Variants in CSMD1 observed in about 807,000 individuals in gnomAD.
The protein encoded by CSMD1 is CUB and sushi domain-containing protein 1.
In CSMD1, 213 loss-of-function variants were observed where a neutral mutation model predicts 417.5. The ratio of observed to expected loss-of-function variants is 0.51; its 90% confidence interval spans 0.46 to 0.57. The LOEUF is 0.57. Ranked by LOEUF, CSMD1 falls within the 20% of genes least tolerant of loss-of-function variation. The pLI is 0.00. For synonymous variants in CSMD1, 2,862 were observed against 1,736.8 expected (o/e 1.65, Z -16.11); for missense variants, 6,923 against 4,529.7 (o/e 1.53, Z -15.17).
At chr8:4,691,735 A>C (rs1806781487) in intron 1 of CSMD1, among the ~76,000 whole-genome samples, 1 of 152,184 alleles carries the variant, frequency 6.6e-6, no homozygotes, top group African/African-American at 2.4e-5. Context: ...GGTACACTAC[A>C]TTGGGAATCT....
intron 1 of CSMD1, among the ~76,000 whole-genome samples, chr8:4,680,884 G>A (rs1485722783): frequency 6.6e-6 from 1 of 151,436 alleles, no homozygotes; most frequent in African/African-American, 2.4e-5. Flanking sequence ...CCAACCCTAA[G>A]ATAGTTTTCA....
At chr8:3,307,214 G>C (rs1804939996) in intron 25 of CSMD1, among the ~76,000 whole-genome samples, 1 of 152,048 alleles carries the variant, frequency 6.6e-6, no homozygotes. Context: ...GCACAAGTTG[G>C]AAATTTGTTC....
At chr8:4,114,943 G>T (rs916828881) in intron 3 of CSMD1, among the ~76,000 whole-genome samples, 2 of 152,132 alleles carry the variant, frequency 1.3e-5, no homozygotes, top group Admixed American at 1.3e-4. Flanking sequence ...TCTACTCCTG[G>T]TAAAGATGCC....
At chr8:4,123,476 G>T (rs1044697383) in intron 3 of CSMD1, among the ~76,000 whole-genome samples, 4 of 152,166 alleles carry the variant, frequency 2.6e-5, no homozygotes, top group African/African-American at 9.7e-5. Flanking sequence ...GGGTAAATCA[G>T]TGCAGTTGAA....
chr8:4,751,395 G>C (rs761528451), intron 1 of CSMD1, among the ~76,000 whole-genome samples: 80 of 151,952 alleles, frequency 5.3e-4, no homozygotes, highest in African/African-American at 1.8e-3. Context: ...TGTCTCAGGG[G>C]GGGTGGCGGG....
intron 1 of CSMD1, among the ~76,000 whole-genome samples, chr8:4,679,502 G>A (rs923015400): frequency 2.0e-5 from 3 of 152,124 alleles, no homozygotes; most frequent in African/African-American, 4.8e-5. Flanking sequence ...AATTTCATGA[G>A]TCTAGACTTC....
chr8:4,346,068 C>T (rs1031812949), intron 3 of CSMD1, among the ~76,000 whole-genome samples: 1 of 152,104 alleles, frequency 6.6e-6, no homozygotes, highest in African/African-American at 2.4e-5. Flanking sequence ...CATGTGCTGG[C>T]ATGTGTGAAT....
chr8:4,349,254 C>G (rs1042356772), intron 3 of CSMD1, among the ~76,000 whole-genome samples: 1 of 152,136 alleles, frequency 6.6e-6, no homozygotes, highest in Admixed American at 6.6e-5. Context: ...GTATTTGGTA[C>G]AGACCAGTGG....
chr8:3,751,389 T>G (rs1797334952), intron 6 of CSMD1, among the ~76,000 whole-genome samples: 1 of 147,970 alleles, frequency 6.8e-6, no homozygotes, highest in Non-Finnish European at 1.5e-5. Context: ...ATATATTTCT[T>G]ATATAAATAT....
At chr8:4,158,682 G>A (rs1584929849) in intron 3 of CSMD1, among the ~76,000 whole-genome samples, 1 of 152,010 alleles carries the variant, frequency 6.6e-6, no homozygotes, top group Non-Finnish European at 1.5e-5. Context: ...GAGTATTATG[G>A]GCCAGCAGCT....
chr8:4,912,135 A>AAAAAAAAAAAAAAAAAAG (rs765904838), intron 1 of CSMD1, among the ~76,000 whole-genome samples: 8 of 115,654 alleles, frequency 6.9e-5, no homozygotes, highest in African/African-American at 1.2e-4. Flanking sequence ...AAAAAAAAAA[A>AAAAAAAAAAAAAAAAAAG]AAAAAAGAAA....
chr8:3,570,716 C>T (rs924861597), intron 10 of CSMD1, among the ~76,000 whole-genome samples: 6 of 152,094 alleles, frequency 3.9e-5, no homozygotes, highest in African/African-American at 1.2e-4. Context: ...TAGTTACAGC[C>T]AAAAATACCC....
chr8:3,670,898 T>G (rs918211243), intron 7 of CSMD1, among the ~76,000 whole-genome samples: 19 of 149,300 alleles, frequency 1.3e-4, no homozygotes, highest in African/African-American at 4.6e-4. Context: ...ATGTATGTGA[T>G]ATATATGTAT....
chr8:4,129,522 T>A (rs993631509), intron 3 of CSMD1, among the ~76,000 whole-genome samples: 9 of 152,300 alleles, frequency 5.9e-5, no homozygotes, highest in African/African-American at 2.2e-4. Flanking sequence ...TGCCAGGGCA[T>A]AGGAATCCGA....
intron 1 of CSMD1, among the ~76,000 whole-genome samples, chr8:4,958,093 T>A (rs548938845): frequency 1.1e-3 from 166 of 152,340 alleles, no homozygotes; most frequent in Middle Eastern, 6.8e-3. Flanking sequence ...TCATAATCCA[T>A]AAAGTGATGT....
chr8:3,775,096 T>C (rs1474529395), intron 5 of CSMD1, among the ~76,000 whole-genome samples: 1 of 152,202 alleles, frequency 6.6e-6, no homozygotes, highest in African/African-American at 2.4e-5. Context: ...GAATTTTCTA[T>C]TTAATGTTTT....
intron 5 of CSMD1, among the ~76,000 whole-genome samples, chr8:3,972,927 G>C (rs778240934): frequency 1.2e-4 from 18 of 152,032 alleles, no homozygotes; most frequent in Admixed American, 2.0e-4. Context: ...GGGCAAAGTA[G>C]GAAATGAAGG....
At chr8:3,764,288 G>C (rs996463835) in intron 5 of CSMD1, among the ~76,000 whole-genome samples, 4 of 152,238 alleles carry the variant, frequency 2.6e-5, no homozygotes, top group Admixed American at 6.5e-5. Flanking sequence ...CCAAACCCTG[G>C]TGTCTCTCCT....
At chr8:4,026,011 T>TA (rs78872159) in intron 4 of CSMD1, among the ~76,000 whole-genome samples, 64,957 of 142,926 alleles carry the variant, frequency 0.45, 14,360 homozygotes, top group South Asian at 0.62. Flanking sequence ...AGGAACTCTA[T>TA]AAAAAAAAAA....
Sources: allele counts gnomAD v4.1 joint callset (sites outside exome capture counted in the v4.1 genomes callset), GRCh38; gene constraint gnomAD v4.1.1; transcripts MANE v1.5; gene names NCBI Gene and HGNC (gene_info 2026-07-23, HGNC 2026-07-21).